The following ABCG2 variants were observed in gnomAD, a reference collection of about 807,000 sequenced individuals.
The protein encoded by ABCG2 is broad substrate specificity ATP-binding cassette transporter ABCG2.
A neutral mutation model predicts 73.5 loss-of-function variants in ABCG2; 80 were observed. The observed-to-expected ratio is 1.09, with a 90% CI of 0.91 to 1.31. The LOEUF (loss-of-function observed/expected upper bound fraction) is 1.31. Among genes scored for constraint, ABCG2 ranks in the 50% most tolerant of loss-of-function variants. The pLI is 0.00. For missense variants in ABCG2, 796 were observed against 786.2 expected (o/e 1.01, Z -0.15); for synonymous variants, 269 against 282.4 (o/e 0.95, Z 0.48).
intron 1 of ABCG2, among the ~76,000 whole-genome samples, chr4:88,203,499 G>A (rs984795725): frequency 2.4e-4 from 37 of 152,100 alleles, no homozygotes; most frequent in Non-Finnish European, 7.4e-5. Context: ...GGCCAGGCGC[G>A]GTGGCTCATG....
chr4:88,172,307 A>AT (rs1165478616), intron 1 of ABCG2, among the ~76,000 whole-genome samples: 9 of 148,724 alleles, frequency 6.1e-5, no homozygotes. Flanking sequence ...AAAAAAAAAA[A>AT]ATTGCTGGGC....
chr4:88,196,549 T>A (rs1172813260), intron 1 of ABCG2, among the ~76,000 whole-genome samples: 1 of 152,142 alleles, frequency 6.6e-6, no homozygotes. Context: ...GCATCTCCTG[T>A]TTTTTTAAAA....
chr4:88,148,952 T>C (rs2110069117), intron 1 of ABCG2, among the ~76,000 whole-genome samples: 2 of 152,352 alleles, frequency 1.3e-5, no homozygotes, highest in East Asian at 3.9e-4. Context: ...AAATCCTCTC[T>C]TTGAATAGAA....
chr4:88,168,359 C>T (rs758295291), intron 1 of ABCG2, among the ~76,000 whole-genome samples: 7 of 151,930 alleles, frequency 4.6e-5, no homozygotes, highest in Admixed American at 3.3e-4. Context: ...TGGTGGCATG[C>T]GCCTGTAGTC....
At chr4:88,099,958 ACTT>A (rs1302351643) in intron 11 of ABCG2, among the ~76,000 whole-genome samples, 2 of 152,006 alleles carry the variant, frequency 1.3e-5, no homozygotes, top group Admixed American at 6.6e-5. Flanking sequence ...AAAGAAAAAG[ACTT>A]CTTCTTTCAA....
At chr4:88,125,745 C>T (rs976412996) in intron 5 of ABCG2, among the ~76,000 whole-genome samples, 17 of 149,520 alleles carry the variant, frequency 1.1e-4, no homozygotes, top group African/African-American at 3.9e-4. Flanking sequence ...AGAACAAAGA[C>T]ACAACGTACT....
intron 1 of ABCG2, among the ~76,000 whole-genome samples, chr4:88,175,910 C>T (rs187862260): frequency 2.0e-5 from 3 of 152,278 alleles, no homozygotes; most frequent in East Asian, 1.9e-4. Context: ...GAAGCAAGCA[C>T]GGCATTAGGT....
chr4:88,186,290 G>A (rs1728452387), intron 1 of ABCG2, among the ~76,000 whole-genome samples: 1 of 152,138 alleles, frequency 6.6e-6, no homozygotes, highest in Admixed American at 6.5e-5. Flanking sequence ...GTTCTCACTT[G>A]TTTGCATGAG....
intron 1 of ABCG2, among the ~76,000 whole-genome samples, chr4:88,153,878 G>T (rs1372734267): frequency 2.6e-5 from 4 of 152,162 alleles, no homozygotes; most frequent in African/African-American, 9.7e-5. Context: ...AATTCCTGAG[G>T]AGTAGTAGAA....
chr4:88,100,363 T>G (rs1722310539), intron 11 of ABCG2, among the ~76,000 whole-genome samples: 1 of 151,422 alleles, frequency 6.6e-6, no homozygotes, highest in Non-Finnish European at 1.5e-5. Context: ...ATTAGCTGGG[T>G]GTGGTGGCGG....
At chr4:88,210,184 T>TACACACACACACAC (rs36209812) in intron 1 of ABCG2, among the ~76,000 whole-genome samples, 2 of 149,592 alleles carry the variant, frequency 1.3e-5, no homozygotes, top group African/African-American at 4.9e-5. Context: ...TAAGTAATCC[T>TACACACACACACAC]ACACACACAC....
intron 5 of ABCG2, among the ~76,000 whole-genome samples, chr4:88,129,779 T>C (rs900130140): frequency 2.0e-4 from 31 of 152,186 alleles, no homozygotes; most frequent in African/African-American, 7.5e-4. Flanking sequence ...AAAAAGCTCA[T>C]TTTCACCCAA....
rs1318520168 is a variant in ABCG2 at position 88,091,074 on chromosome 4, AC to A, written c.*1159del. On this transcript the variant is annotated 3_prime_UTR_variant, in exon 16 of 16. Transcript: ENST00000237612. ...TCTCATAACAGCAACAGAGGGAAATACATCAAGTGTCATTTCAAAAATAACC... is the reference window on the plus strand; with the variant it reads ...TCTCATAACAGCAACAGAGGGAAATAATCAAGTGTCATTTCAAAAATAACC... 3 of 152,248 alleles carry A rather than the reference AC, an allele frequency of 2.0e-5. No individual in the cohort carries two copies. Among genetic ancestry groups the A allele is most frequent in the Admixed American group, 2.0e-4 (3 of 15,282 alleles). The allele number at this position is 152,248 out of a possible 1,614,324, so 9.4% of individuals were successfully genotyped here.
intron 1 of ABCG2, among the ~76,000 whole-genome samples, chr4:88,205,941 A>G (rs994722250): frequency 3.2e-4 from 48 of 152,276 alleles, no homozygotes; most frequent in Middle Eastern, 3.4e-3. Flanking sequence ...TCGGCCTCCC[A>G]AAGTGCTGGA....
intron 5 of ABCG2, among the ~76,000 whole-genome samples, chr4:88,127,154 T>C (rs977048211): frequency 6.6e-6 from 1 of 151,986 alleles, no homozygotes; most frequent in Non-Finnish European, 1.5e-5. Context: ...GAGAGCCAAA[T>C]CATGAACTTC....
chr4:88,209,764 G>T (rs985466242), intron 1 of ABCG2, among the ~76,000 whole-genome samples: 4 of 152,134 alleles, frequency 2.6e-5, no homozygotes, highest in African/African-American at 9.7e-5. Flanking sequence ...AGTTTGATTA[G>T]CAGGGGTTGT....
At position 88,103,080 on chromosome 4, in the gene ABCG2, G is replaced by A. The variant is rs563925565; in HGVS notation, c.1278-1761C>T. On this transcript the variant is annotated intron_variant, in intron 10 of 15. Coordinates refer to ENST00000237612, the MANE Select transcript of ABCG2 (RefSeq NM_004827.3). The stretch of plus-strand genomic sequence containing the variant: ...AAATGTAAGCCACGGTGCCCAGCCA[G>A]AGCAGTTTTAAAAGTATGTACATAT... Among the ~76,000 whole-genome samples the A allele has an allele frequency of 1.2e-4, 19 of 152,238 alleles. No individual in the cohort carries two copies. In the South Asian group the frequency reaches 3.9e-3, roughly 32 times the overall value.
intron 1 of ABCG2, among the ~76,000 whole-genome samples, chr4:88,189,148 G>T (rs529168731): frequency 6.6e-6 from 1 of 152,120 alleles, no homozygotes; most frequent in East Asian, 1.9e-4. Context: ...GCAGCTCCTT[G>T]GTTAAATTTA....
chr4:88,162,979 T>G (rs1158871258), upstream of ABCG2, among the ~76,000 whole-genome samples: 1 of 152,210 alleles, frequency 6.6e-6, no homozygotes, highest in East Asian at 1.9e-4. Context: ...GGCCCCAGTA[T>G]GCTACATTTC....
Sources: gnomAD v4.1 joint callset for allele counts (sites outside exome capture counted in the v4.1 genomes callset) on GRCh38, gnomAD v4.1.1 for gene constraint, MANE v1.5 for transcripts, NCBI Gene and HGNC (gene_info 2026-07-23, HGNC 2026-07-21) for gene names.